The following C12orf56 variants were observed in gnomAD, a reference collection of about 807,000 sequenced individuals.
C12orf56 encodes chromosome 12 open reading frame 56, also known as uncharacterized protein C12orf56.
Under a neutral mutation model 69.9 loss-of-function variants are expected in C12orf56, and 71 were observed. The observed-to-expected ratio is 1.02, with a 90% CI of 0.84 to 1.24. C12orf56 has a LOEUF of 1.24. Ranked by LOEUF, C12orf56 falls within the 50% of genes most tolerant of loss-of-function variation. C12orf56 has a pLI of 0.00. For synonymous variants in C12orf56, 276 were observed against 274.1 expected, an observed-to-expected ratio of 1.01 and a Z score of -0.07; for missense variants, 732 against 738.5, an observed-to-expected ratio of 0.99 and a Z score of 0.10.
chr12:64,285,931 A>G (rs1324714815), intron 7 of C12orf56, 23 bp downstream of exon 7: 6 of 1,456,220 alleles, frequency 4.1e-6, no homozygotes, highest in Non-Finnish European at 9.3e-7. Context: ...AAAAAAATCG[A>G]TGATTATCTA....
At chr12:64,293,447 AGTT>A (rs1225647056) in intron 6 of C12orf56, 6 of 152,174 alleles carry the variant, frequency 3.9e-5, no homozygotes, top group Non-Finnish European at 7.3e-5. Flanking sequence ...ACCACTGGGC[AGTT>A]GTGTGACATT....
intron 3 of C12orf56, among the ~76,000 whole-genome samples, chr12:64,322,295 T>C (rs2038783507): frequency 6.6e-6 from 1 of 152,158 alleles, no homozygotes; most frequent in Admixed American, 6.6e-5. Flanking sequence ...ATAATTTCTA[T>C]TCATCTATCT....
intron 1 of C12orf56, among the ~76,000 whole-genome samples, chr12:64,365,003 T>C (rs1457558587): frequency 6.6e-6 from 1 of 151,986 alleles, no homozygotes; most frequent in Non-Finnish European, 1.5e-5. Context: ...CTCTCCAGCA[T>C]GAAGATGGGG....
chr12:64,301,938 T>C (rs1462353825), intron 6 of C12orf56, among the ~76,000 whole-genome samples: 3 of 152,174 alleles, frequency 2.0e-5, no homozygotes, highest in Admixed American at 6.5e-5. Context: ...CTGTGATTAG[T>C]GGAGAGCCTT....
intron 3 of C12orf56, among the ~76,000 whole-genome samples, chr12:64,322,903 T>C (rs891239030): frequency 1.3e-5 from 2 of 152,194 alleles, no homozygotes; most frequent in African/African-American, 4.8e-5. Context: ...ACTACTCCTC[T>C]CCTCTACAAA....
chr12:64,368,248 G>A (rs1355259096), intron 1 of C12orf56, among the ~76,000 whole-genome samples: 4 of 152,052 alleles, frequency 2.6e-5, no homozygotes, highest in African/African-American at 7.2e-5. Context: ...AATTATAGGC[G>A]TGAGCCACCA....
intron 2 of C12orf56, among the ~76,000 whole-genome samples, chr12:64,346,179 C>G (rs1267758832): frequency 6.6e-6 from 1 of 152,176 alleles, no homozygotes; most frequent in Non-Finnish European, 1.5e-5. Flanking sequence ...AGGTCCCACA[C>G]TAGGCTGTCT....
chr12:64,312,900 C>A, intron 4 of C12orf56, 148 bp from the exon 5 acceptor site: 2 of 566,208 alleles, frequency 3.5e-6, no homozygotes, highest in Non-Finnish European at 6.0e-6. Flanking sequence ...TTTAATAATA[C>A]CACAGGGAAT....
chr12:64,309,665 C>A (rs1391145793), intron 5 of C12orf56, among the ~76,000 whole-genome samples: 1 of 152,052 alleles, frequency 6.6e-6, no homozygotes, highest in Non-Finnish European at 1.5e-5. Context: ...CATGTGCCAC[C>A]ACACCAGGCT....
At chr12:64,293,627 AT>A (rs1383012340) in intron 6 of C12orf56, among the ~76,000 whole-genome samples, 7 of 152,260 alleles carry the variant, frequency 4.6e-5, no homozygotes, top group Non-Finnish European at 8.8e-5. Context: ...CAAGTGTCTA[AT>A]AAGTATCACT....
intron 6 of C12orf56, among the ~76,000 whole-genome samples, chr12:64,299,051 T>G (rs2038408462): frequency 6.6e-6 from 1 of 152,222 alleles, no homozygotes; most frequent in South Asian, 2.1e-4. Flanking sequence ...TGTCCTCCCT[T>G]ATTTCCTTGA....
chr12:64,378,288 T>C lies in C12orf56; in HGVS notation c.252+12026A>G, dbSNP rs985872343. Among the ~76,000 whole-genome samples the C allele has an allele frequency of 3.9e-5, 6 of 152,346 alleles. No individual in the cohort carries two copies. The South Asian group carries it at 1.2e-3, about 32-fold the overall frequency. On this transcript the variant is annotated intron_variant, in intron 1 of 12. Transcript: ENST00000543942. The stretch of plus-strand genomic sequence containing the variant: ...GGCTAATAAAATGTGAAAAGTGGCA[T>C]GTATCAGTTCTAGGTAGAAGCTTAA...
At chr12:64,308,112 A>T (rs930955981) in intron 5 of C12orf56, among the ~76,000 whole-genome samples, 11 of 151,842 alleles carry the variant, frequency 7.2e-5, no homozygotes, top group Non-Finnish European at 1.6e-4. Flanking sequence ...TGAGCTTAGG[A>T]TTTCGAGACC....
intron 4 of C12orf56, among the ~76,000 whole-genome samples, chr12:64,313,418 G>T (rs1234033555): frequency 6.6e-6 from 1 of 151,758 alleles, no homozygotes; most frequent in Non-Finnish European, 1.5e-5. Flanking sequence ...ACCATGGCTT[G>T]TACCTGTAGT....
At chr12:64,316,291 C>T (rs1327840540) in intron 4 of C12orf56, among the ~76,000 whole-genome samples, 1 of 151,984 alleles carries the variant, frequency 6.6e-6, no homozygotes. Context: ...TGGGATTTCA[C>T]CCATCTCTGT....
chr12:64,364,722 A>C (rs561597250), intron 1 of C12orf56, among the ~76,000 whole-genome samples: 16 of 152,174 alleles, frequency 1.1e-4, no homozygotes, highest in African/African-American at 3.4e-4. Flanking sequence ...CGCTGTAATA[A>C]ATGTAGCTGT....
chr12:64,312,420 AACATG>A (rs2038631688), intron 5 of C12orf56, among the ~76,000 whole-genome samples: 1 of 152,154 alleles, frequency 6.6e-6, no homozygotes, highest in Non-Finnish European at 1.5e-5. Context: ...CGACCTGGCC[AACATG>A]GCGAAACTCC....
At chr12:64,313,329 T>G (rs183434197) in intron 4 of C12orf56, among the ~76,000 whole-genome samples, 209 of 147,070 alleles carry the variant, frequency 1.4e-3, no homozygotes, top group African/African-American at 5.0e-3. Context: ...ACAGTTTAGA[T>G]AAAGTAAAAT....
At position 64,265,186 on chromosome 12, in the gene C12orf56, T is replaced by G. The variant is rs1360862464; in HGVS notation, c.*1997A>C. ...TACTTGCCTATGTTCCAAGAATCTT[T>G]TCATATTCCTTTGATTGACCGTCTC... On this transcript the variant is annotated 3_prime_UTR_variant, in exon 13 of 13. Coordinates refer to ENST00000543942, the MANE Select transcript of C12orf56 (RefSeq NM_001170633.2). 6.6e-6 allele frequency: 1 copy of G among 152,208 alleles called. No individual in the cohort carries two copies. Among genetic ancestry groups the G allele is most frequent in the African/African-American group, 2.4e-5 (1 of 41,442 alleles). 9.4% of individuals were successfully genotyped at this position (152,208 alleles called of 1,614,324 possible).
Sources: gnomAD v4.1 joint callset for allele counts (sites outside exome capture counted in the v4.1 genomes callset) on GRCh38, gnomAD v4.1.1 for gene constraint, MANE v1.5 for transcripts, NCBI Gene and HGNC (gene_info 2026-07-23, HGNC 2026-07-21) for gene names.